The following CDKL3 variants were observed in gnomAD, a reference collection of about 807,000 sequenced individuals.
CDKL3 encodes cyclin dependent kinase like 3.
CDKL3 carries 65 observed loss-of-function variants against 69.3 expected under a neutral mutation model. The ratio of observed to expected loss-of-function variants is 0.94; its 90% CI spans 0.77 to 1.15. CDKL3 has a LOEUF of 1.15. Ranked by LOEUF, CDKL3 falls within the 50% of genes most tolerant of loss-of-function variation. The pLI is 0.00. For synonymous variants in CDKL3, 202 were observed against 221.6 expected, an observed-to-expected ratio of 0.91 and a Z score of 0.79; for missense variants, 652 against 689.2, an observed-to-expected ratio of 0.95 and a Z score of 0.61.
rs770277391 is a variant in CDKL3 at position 134,321,797 on chromosome 5, T to C, written c.646A>G (p.Lys216Glu). 7.0e-6 allele frequency: 11 copies of C among 1,571,366 alleles called. No individual in the cohort carries two copies. The highest frequency in any genetic ancestry group is 1.7e-4 in the Middle Eastern group (1 of 6,016). ...DLDLLHKIVL[K>E]VGNLSPHLQN... Reference sequence around the variant, plus strand: ...TTATTTCAGTAATACCTACCCACTTTCAAAACAATTTTATGGAGTAAATCC... The same window carrying C: ...TTATTTCAGTAATACCTACCCACTTCCAAAACAATTTTATGGAGTAAATCC... The change falls in exon 5 of 13, where the codon AAA (lysine) becomes GAA (glutamate). Residue 216 changes from lysine (K) to glutamate (E), a missense_variant. Physicochemically the swap from Lys to Glu is moderately conservative, Grantham distance 56. Coordinates refer to ENST00000265334, the MANE Select transcript of CDKL3 (RefSeq NM_001113575.2).
intron 8 of CDKL3, among the ~76,000 whole-genome samples, chr5:134,288,493 C>A (rs1046686766): frequency 6.6e-6 from 1 of 152,086 alleles, no homozygotes; most frequent in African/African-American, 2.4e-5. Flanking sequence ...ATAACTCATG[C>A]CAACTTTATG....
intron 8 of CDKL3, among the ~76,000 whole-genome samples, chr5:134,291,042 TG>T (rs996807753): frequency 6.6e-6 from 1 of 152,032 alleles, no homozygotes; most frequent in Non-Finnish European, 1.5e-5. Context: ...GCTGAAAGGA[TG>T]ATGTAGGGTA....
chr5:134,299,572 G>A, intron 12 of CDKL3: 1 of 1,281,712 alleles, frequency 7.8e-7, no homozygotes. Context: ...ATAACTAACA[G>A]GATTTACGAT....
intron 4 of CDKL3, among the ~76,000 whole-genome samples, chr5:134,339,211 A>T (rs1009090580): frequency 8.5e-5 from 13 of 152,168 alleles, no homozygotes; most frequent in Admixed American, 3.9e-4. Flanking sequence ...AAACGTTAAC[A>T]GATTAACCAA....
Position 134,302,678 on chromosome 5 carries a change from A to G in CDKL3, c.1631T>C (p.Ile544Thr). ...KDTKGMEVKQ[I>T]KMLKRESKKT... ...CTTTGACTCCCTCTTCAGCATTTTT[A>G]TCTGTTTAACTTTTGCAAAAATATA... Residue 544 changes from isoleucine to threonine, a missense_variant, in exon 12 of 13, where the codon ATA becomes ACA. Ile to Thr is a moderately conservative substitution (Grantham distance 89). Transcript: ENST00000265334. The G allele has an allele frequency of 6.3e-7, 1 of 1,584,698 alleles. No individual in the cohort carries two copies. Among genetic ancestry groups the G allele is most frequent in the East Asian group, 2.3e-5 (1 of 44,090 alleles).
chr5:134,307,789 G>A (rs1235034607), intron 9 of CDKL3, among the ~76,000 whole-genome samples: 2 of 152,114 alleles, frequency 1.3e-5, no homozygotes, highest in African/African-American at 4.8e-5. Flanking sequence ...AATTTGCTAT[G>A]ATACAGAAAT....
chr5:134,294,338 A>G (rs1344054246), downstream of CDKL3, among the ~76,000 whole-genome samples: 1 of 152,162 alleles, frequency 6.6e-6, no homozygotes, highest in Non-Finnish European at 1.5e-5. Context: ...TCAGGAAACT[A>G]GAAAAGAGGG....
intron 4 of CDKL3, among the ~76,000 whole-genome samples, chr5:134,349,729 C>T (rs1420400714): frequency 6.6e-6 from 1 of 152,184 alleles, no homozygotes; most frequent in African/African-American, 2.4e-5. Context: ...CCTGTGAGAG[C>T]TGAGTGAGCG....
intron 8 of CDKL3, among the ~76,000 whole-genome samples, chr5:134,288,286 A>G (rs1764965240): frequency 6.6e-6 from 1 of 152,228 alleles, no homozygotes; most frequent in Admixed American, 6.5e-5. Flanking sequence ...GTGTTGAGCT[A>G]AACTTGCTTT....
chr5:134,335,854 T>A (rs996825006), intron 4 of CDKL3, among the ~76,000 whole-genome samples: 4 of 152,178 alleles, frequency 2.6e-5, no homozygotes, highest in Non-Finnish European at 5.9e-5. Flanking sequence ...ATTTCCAAAT[T>A]TGAACGTTGG....
At chr5:134,289,795 C>A (rs116181617) in intron 8 of CDKL3, among the ~76,000 whole-genome samples, 1 of 152,240 alleles carries the variant, frequency 6.6e-6, no homozygotes, top group African/African-American at 2.4e-5. Context: ...GCAAGAGGGG[C>A]ATACAGACCA....
At chr5:134,302,183 A>T (rs564973471) in intron 12 of CDKL3, 25 of 456,640 alleles carry the variant, frequency 5.5e-5, no homozygotes, top group African/African-American at 3.8e-4. Context: ...ATAGGACAGC[A>T]GGCAGACAGC....
Position 134,366,504 on chromosome 5 carries a change from A to C in CDKL3, c.20T>G (p.Leu7Arg). The C allele has an allele frequency of 6.2e-7, 1 of 1,606,530 alleles. No homozygotes were observed. Residue 7 changes from leucine to arginine, a missense_variant, in exon 2 of 13, where the codon CTT becomes CGT. Physicochemically the swap from Leu to Arg is moderately radical, Grantham distance 102. Transcript: ENST00000265334. MEMYET[L>R]GKVGEGSYGT... ...GTAACTTCCCTCTCCCACTTTTCCA[A>C]GGGTTTCATACATCTCCATTTTCAA...
rs565061845 is a variant in CDKL3, at chr5:134,362,777, A to G, written c.166-2686T>C. Reference sequence around the variant, plus strand: ...AACCCCGTCTCTACTAAAAATACAAAAATTAGCTGGGCGTGGTCGTACGTG... The same window carrying G: ...AACCCCGTCTCTACTAAAAATACAAGAATTAGCTGGGCGTGGTCGTACGTG... On this transcript the variant is annotated intron_variant, in intron 2 of 12. Coordinates refer to ENST00000265334, the MANE Select transcript of CDKL3 (RefSeq NM_001113575.2). Among the ~76,000 whole-genome samples the G allele has an allele frequency of 1.3e-4, 20 of 152,062 alleles. No individual in the cohort carries two copies. In the South Asian group the frequency reaches 3.9e-3, roughly 30 times the overall value.
chr5:134,295,001 A>ATTT (rs1171203504), downstream of CDKL3, among the ~76,000 whole-genome samples: 7 of 131,836 alleles, frequency 5.3e-5, no homozygotes, highest in African/African-American at 1.7e-4. Flanking sequence ...GGAAGACTTG[A>ATTT]TTTTTTTTTC....
At chr5:134,353,909 T>C (rs1753917349) in intron 3 of CDKL3, among the ~76,000 whole-genome samples, 1 of 152,144 alleles carries the variant, frequency 6.6e-6, no homozygotes, top group Admixed American at 6.5e-5. Context: ...AGGATAAATT[T>C]TAAACTCCCT....
chr5:134,302,110 T>C (rs1265924541), intron 12 of CDKL3: 1 of 455,772 alleles, frequency 2.2e-6, no homozygotes, highest in South Asian at 1.5e-5. Context: ...CTCTGGTGGG[T>C]AGGGACTGGG....
chr5:134,351,110 C>T (rs1459262328), intron 3 of CDKL3, among the ~76,000 whole-genome samples: 2 of 152,168 alleles, frequency 1.3e-5, no homozygotes, highest in Admixed American at 6.5e-5. Context: ...CCACCCATAT[C>T]GTACTTGATT....
chr5:134,309,795 G>C (rs553229409), intron 7 of CDKL3, among the ~76,000 whole-genome samples: 1 of 152,292 alleles, frequency 6.6e-6, no homozygotes, highest in Non-Finnish European at 1.5e-5. Context: ...AACTTCGTCT[G>C]TGTAGAAGTG....
Sources: allele counts gnomAD v4.1 joint callset (sites outside exome capture counted in the v4.1 genomes callset), GRCh38; gene constraint gnomAD v4.1.1; transcripts MANE v1.5; gene names NCBI Gene and HGNC (gene_info 2026-07-23, HGNC 2026-07-21).